The following RFTN1 variants were observed in gnomAD, a reference collection of about 807,000 sequenced individuals.
RFTN1 encodes the protein raftlin.
Under a neutral mutation model 46.5 loss-of-function variants are expected in RFTN1, and 26 were observed. The ratio of observed to expected loss-of-function variants is 0.56; its 90% CI spans 0.41 to 0.78. The LOEUF (loss-of-function observed/expected upper bound fraction) is 0.78, where lower values mean the gene tolerates loss of function less well. Among genes scored for constraint, RFTN1 ranks in the 30% least tolerant of loss-of-function variants. The pLI is 0.00. For missense variants in RFTN1, 693 were observed against 718.7 expected (o/e 0.96, Z 0.41); for synonymous variants, 261 against 284.2 (o/e 0.92, Z 0.82).
chr3:16,346,774 T>C lies in RFTN1; in HGVS notation c.1146+11158A>G, dbSNP rs1296673604. 1.3e-5 allele frequency among the ~76,000 whole-genome samples: 2 copies of C among 152,238 alleles called. No individual in the cohort carries two copies. Among genetic ancestry groups the C allele is most frequent in the Middle Eastern group, 3.4e-3 (1 of 294 alleles). On this transcript the variant is annotated intron_variant, in intron 7 of 9. Coordinates refer to ENST00000334133, the MANE Select transcript of RFTN1 (RefSeq NM_015150.2). This position sits in a 1 kb window ranked among gnomAD's most constrained non-coding sequence, Gnocchi z 4.4. Reference sequence around the variant, plus strand: ...CCGTTCTTCACGGTTGTCATCACATTTGCATGAGACACCTAGAATTGCCAC... The same window carrying C: ...CCGTTCTTCACGGTTGTCATCACATCTGCATGAGACACCTAGAATTGCCAC...
chr3:16,479,003 C>G lies in RFTN1; in HGVS notation c.145+14722G>C, dbSNP rs147713606. ...CACTAGAAGCAATTCACTAGGTACACAAGGCCGTGGATACCAGTAGGCAGG... is the reference window on the plus strand; with the variant it reads ...CACTAGAAGCAATTCACTAGGTACAGAAGGCCGTGGATACCAGTAGGCAGG... On this transcript the variant is annotated intron_variant, in intron 2 of 9. Coordinates refer to ENST00000334133, the MANE Select transcript of RFTN1 (RefSeq NM_015150.2). This position sits in a 1 kb window ranked among gnomAD's most constrained non-coding sequence, Gnocchi z 5.1. Among the ~76,000 whole-genome samples, 1 of 152,308 alleles carries G rather than the reference C, an allele frequency of 6.6e-6. No individual in the cohort carries two copies. The highest frequency in any genetic ancestry group is 1.9e-4 in the East Asian group (1 of 5,190).
Position 16,374,356 on chromosome 3 carries a change from G to A in RFTN1, c.826+3362C>T, listed in dbSNP as rs948317699. On this transcript the variant is annotated intron_variant, in intron 5 of 9. Transcript: ENST00000334133. The surrounding 1 kb of genome is among the most constrained non-coding windows in gnomAD (Gnocchi z 5.4). ...GGGAGCTCAATAGCTGTTTGTTAAT[G>A]GACTGAGTAAAAGGCCAGAAAGATG... Among the ~76,000 whole-genome samples, 6 of 152,324 alleles carry A rather than the reference G, an allele frequency of 3.9e-5. No homozygotes were observed. Among genetic ancestry groups the A allele is most frequent in the Admixed American group, 3.9e-4 (6 of 15,300 alleles).
At chr3:16,408,537 G>T (rs1257691194) in intron 4 of RFTN1, among the ~76,000 whole-genome samples, 2 of 150,650 alleles carry the variant, frequency 1.3e-5, no homozygotes, top group Non-Finnish European at 2.9e-5. Context: ...CCCAGTTTGG[G>T]GCTAGGACAT....
rs1274073514 is a variant in RFTN1 at position 16,387,130 on chromosome 3, CT to C, written c.442-9029del. On this transcript the variant is annotated intron_variant, in intron 4 of 9. Coordinates refer to ENST00000334133, the MANE Select transcript of RFTN1 (RefSeq NM_015150.2). The surrounding 1 kb of genome is among the most constrained non-coding windows in gnomAD (Gnocchi z 5.2). ...CCTTCCCTGTCCATCACATGACCCA[CT>C]GCTTCCATCACTCTCCTCCTATTAT... 1.3e-5 allele frequency among the ~76,000 whole-genome samples: 2 copies of C among 152,136 alleles called. No homozygotes were observed. The highest frequency in any genetic ancestry group is 6.5e-5 in the Admixed American group (1 of 15,280).
intron 4 of RFTN1, among the ~76,000 whole-genome samples, chr3:16,408,836 G>A (rs932924912): frequency 1.3e-5 from 2 of 151,268 alleles, no homozygotes; most frequent in African/African-American, 4.9e-5. Context: ...CCCAATTTGG[G>A]GCTAGGACAT....
Position 16,493,717 on chromosome 3 carries a change from G to A in RFTN1, c.145+8C>T. ...CTGCCCCCATCCATTCCCACCCCAT[G>A]TACTCACCAGCACTCAGAGTCGTGA... On this transcript the variant is annotated splice_region_variant and intron_variant, in intron 2 of 9. Coordinates refer to ENST00000334133, the MANE Select transcript of RFTN1 (RefSeq NM_015150.2). 1.3e-6 allele frequency: 2 copies of A among 1,598,342 alleles called. No homozygotes were observed. The highest frequency in any genetic ancestry group is 1.7e-6 in the Non-Finnish European group (2 of 1,174,640).
At position 16,498,967 on chromosome 3, in the gene RFTN1, A is replaced by G. The variant is rs904265466; in HGVS notation, c.-8-5090T>C. 1.1e-4 allele frequency among the ~76,000 whole-genome samples: 17 copies of G among 152,368 alleles called. No homozygotes were observed. Among genetic ancestry groups the G allele is most frequent in the African/African-American group, 3.4e-4 (14 of 41,588 alleles). On this transcript the variant is annotated intron_variant, in intron 1 of 9. Transcript: ENST00000334133. This position sits in a 1 kb window ranked among gnomAD's most constrained non-coding sequence, Gnocchi z 5.2. ...GACATTCCCAAACCATGCTCACATT[A>G]GAATCCTGCAAGAGGATGGAGGCAA... is the stretch of plus-strand genomic sequence containing the variant.
chr3:16,341,288 C>G lies in RFTN1; in HGVS notation c.1147-14412G>C, dbSNP rs1244671588. Among the ~76,000 whole-genome samples the G allele has an allele frequency of 1.3e-5, 2 of 152,216 alleles. No homozygotes were observed. The highest frequency in any genetic ancestry group is 4.8e-5 in the African/African-American group (2 of 41,454). On this transcript the variant is annotated intron_variant, in intron 7 of 9. Transcript: ENST00000334133. This position sits in a 1 kb window ranked among gnomAD's most constrained non-coding sequence, Gnocchi z 4.7. ...AGACATACTTTACAATATGATCCAG[C>G]AATCATACTCCTTGGTATTTACCCA...
intron 5 of RFTN1, among the ~76,000 whole-genome samples, chr3:16,373,422 C>T (rs1212256016): frequency 1.3e-5 from 2 of 152,200 alleles, no homozygotes; most frequent in Admixed American, 6.5e-5. Context: ...GTGGCTGAGT[C>T]CTGCCAGCCT....
rs1208140954 is a variant in RFTN1, at chr3:16,506,403, T to A, written c.-9+7039A>T. ...ACTGAGTTGGAAGCCTCTGGAAGGTTTCGAGCTGAAAGAAGACATCAATTA... is the reference window on the plus strand; with the variant it reads ...ACTGAGTTGGAAGCCTCTGGAAGGTATCGAGCTGAAAGAAGACATCAATTA... On this transcript the variant is annotated intron_variant, in intron 1 of 9. Coordinates refer to ENST00000334133, the MANE Select transcript of RFTN1 (RefSeq NM_015150.2). This position sits in a 1 kb window ranked among gnomAD's most constrained non-coding sequence, Gnocchi z 4.8. Among the ~76,000 whole-genome samples, 1 of 152,092 alleles carries A rather than the reference T, an allele frequency of 6.6e-6. No homozygotes were observed. The highest frequency in any genetic ancestry group is 1.9e-4 in the East Asian group (1 of 5,182).
chr3:16,357,114 C>A (rs905385424), intron 7 of RFTN1, among the ~76,000 whole-genome samples: 47 of 133,578 alleles, frequency 3.5e-4, no homozygotes, highest in Non-Finnish European at 3.2e-4. Context: ...GATGCCATCT[C>A]AAAAAAAAAA....
In RFTN1 at chr3:16,443,935, A is replaced by G. The variant is rs1437772261; in HGVS notation, c.146-9898T>C. 2.6e-5 allele frequency among the ~76,000 whole-genome samples: 4 copies of G among 152,218 alleles called. No homozygotes were observed. Among genetic ancestry groups the G allele is most frequent in the Non-Finnish European group, 2.9e-5 (2 of 68,034 alleles). ...TCAGAGAAGACACAGGCTAAGATAC[A>G]TCAAGAAGCCTTTTTAAGAAACACC... On this transcript the variant is annotated intron_variant, in intron 2 of 9. Coordinates refer to ENST00000334133, the MANE Select transcript of RFTN1 (RefSeq NM_015150.2). This position sits in a 1 kb window ranked among gnomAD's most constrained non-coding sequence, Gnocchi z 5.5.
Position 16,433,960 on chromosome 3 carries a change from G to C in RFTN1, c.223C>G (p.Gln75Glu). Reference sequence around the variant, plus strand: ...TGCAGGGCCGCCAGCGAGAAGCCCTGCTGGTACAGCTCCAGGAGCTGGGCG... The same window carrying C: ...TGCAGGGCCGCCAGCGAGAAGCCCTCCTGGTACAGCTCCAGGAGCTGGGCG... The part of the protein sequence containing the change: ...LPAQLLELYQ[Q>E]GFSLAALHPF... Residue 75 changes from glutamine (Q) to glutamate (E), a missense_variant, in exon 3 of 10, where the codon CAG (glutamine) becomes GAG (glutamate). Gln to Glu is a conservative substitution (Grantham distance 29). Coordinates refer to ENST00000334133, the MANE Select transcript of RFTN1 (RefSeq NM_015150.2). The surrounding 1 kb of genome is among the most constrained non-coding windows in gnomAD (Gnocchi z 4.4). The C allele has an allele frequency of 6.2e-7, 1 of 1,614,066 alleles. No homozygotes were observed. The highest frequency in any genetic ancestry group is 8.5e-7 in the Non-Finnish European group (1 of 1,180,016).
At position 16,507,112 on chromosome 3, in the gene RFTN1, T is replaced by C. The variant is rs2076820030; in HGVS notation, c.-9+6330A>G. On this transcript the variant is annotated intron_variant, in intron 1 of 9. Transcript: ENST00000334133. This position sits in a 1 kb window ranked among gnomAD's most constrained non-coding sequence, Gnocchi z 7.1. ...CTGTAAAATGGGGACAACTGCAATA[T>C]CTACTTCTAGGGTGAGGACTAAATA... Among the ~76,000 whole-genome samples, 1 of 152,164 alleles carries C rather than the reference T, an allele frequency of 6.6e-6. No homozygotes were observed. Among genetic ancestry groups the C allele is most frequent in the Non-Finnish European group, 1.5e-5 (1 of 68,030 alleles).
intron 2 of RFTN1, among the ~76,000 whole-genome samples, chr3:16,488,099 A>AC (rs2076479179): frequency 8.5e-6 from 1 of 117,504 alleles, no homozygotes. Flanking sequence ...TGTGATCCTG[A>AC]CTTTTTTTTT....
rs1390445729 is a variant in RFTN1, at chr3:16,509,408, G to C, written c.-9+4034C>G. On this transcript the variant is annotated intron_variant, in intron 1 of 9. Coordinates refer to ENST00000334133, the MANE Select transcript of RFTN1 (RefSeq NM_015150.2). This position sits in a 1 kb window ranked among gnomAD's most constrained non-coding sequence, Gnocchi z 4.9. ...AAATGAAAACGTGAACTTAGGGAAA[G>C]TTAACCTTGCAAGCTTCAATTTCCT... 6.6e-6 allele frequency among the ~76,000 whole-genome samples: 1 copy of C among 152,194 alleles called. No homozygotes were observed. Among genetic ancestry groups the C allele is most frequent in the Non-Finnish European group, 1.5e-5 (1 of 68,044 alleles).
rs568774870 is a variant in RFTN1 at position 16,456,553 on chromosome 3, C to T, written c.146-22516G>A. Among the ~76,000 whole-genome samples, 5 of 152,326 alleles carry T rather than the reference C, an allele frequency of 3.3e-5. 1 individual carries two copies. The highest frequency in any genetic ancestry group is 3.3e-4 in the Admixed American group (5 of 15,304). ...ATTAAAAAGTAATAAACACCCTCCGCTGACCAAACTCTTAGAAAAGGATTA... is the reference window on the plus strand; with the variant it reads ...ATTAAAAAGTAATAAACACCCTCCGTTGACCAAACTCTTAGAAAAGGATTA... On this transcript the variant is annotated intron_variant, in intron 2 of 9. Transcript: ENST00000334133.
In RFTN1 at chr3:16,317,200, G is replaced by A; in HGVS notation, c.1365C>T (p.His455=). 2 of 1,613,120 alleles carry A rather than the reference G, an allele frequency of 1.2e-6. No homozygotes were observed. The highest frequency in any genetic ancestry group is 1.7e-6 in the Non-Finnish European group (2 of 1,179,946). Residue 455 remains histidine, a synonymous_variant, in exon 10 of 10, where the codon CAC becomes CAT. Coordinates refer to ENST00000334133, the MANE Select transcript of RFTN1 (RefSeq NM_015150.2). This position sits in a 1 kb window ranked among gnomAD's most constrained non-coding sequence, Gnocchi z 4.3. ...FQWRFSREEM[H]NRQMRKSKGK... ...CTTTTGATTTCCTCATCTGCCTGTT[G>A]TGCATTTCTTCTCTGGAGAATCGCC... is the stretch of plus-strand genomic sequence containing the variant.
intron 2 of RFTN1, chr3:16,454,739 G>A (rs2124915199): frequency 1.0e-6 from 1 of 984,668 alleles, no homozygotes; most frequent in Non-Finnish European, 1.2e-6. Flanking sequence ...TATACACCAA[G>A]GCCTCCCTCC....
Sources: allele counts gnomAD v4.1 joint callset (sites outside exome capture counted in the v4.1 genomes callset), GRCh38; gene constraint gnomAD v4.1.1; non-coding constraint Gnocchi (gnomAD v3.1); transcripts MANE v1.5; gene names NCBI Gene and HGNC (gene_info 2026-07-23, HGNC 2026-07-21).